The following ZEB1 variants were observed in gnomAD, a reference collection of about 807,000 sequenced individuals.
ZEB1 encodes zinc finger E-box-binding homeobox 1.
ZEB1 carries 21 observed loss-of-function variants against 84.9 expected under a neutral mutation model. The observed-to-expected ratio is 0.25, with a 90% CI of 0.18 to 0.36. The LOEUF is 0.36. ZEB1 is among the 10% of genes least tolerant of loss of function. ZEB1 has a pLI of 1.00. For synonymous variants in ZEB1, 420 were observed against 471.1 expected (o/e 0.89, Z 1.41); for missense variants, 1,104 against 1,330.2 (o/e 0.83, Z 2.65).
At chr10:31,418,116 G>A (rs2055529702) in intron 1 of ZEB1, among the ~76,000 whole-genome samples, 1 of 151,924 alleles carries the variant, frequency 6.6e-6, no homozygotes, top group Non-Finnish European at 1.5e-5. Context: ...AAGTAACAGT[G>A]TGTGTTTGCT....
At chr10:31,378,041 T>C (rs2046975910) in intron 1 of ZEB1, among the ~76,000 whole-genome samples, 2 of 150,304 alleles carry the variant, frequency 1.3e-5, no homozygotes, top group South Asian at 2.1e-4. Context: ...ATGTATATAT[T>C]ATGCATAGAC....
intron 1 of ZEB1, among the ~76,000 whole-genome samples, chr10:31,335,378 C>T (rs367546021): frequency 1.3e-3 from 195 of 152,130 alleles, no homozygotes; most frequent in African/African-American, 4.3e-3. Context: ...GGTCTTGAAA[C>T]GTATGCCCTG....
At chr10:31,361,432 A>G (rs1418303323) in intron 1 of ZEB1, among the ~76,000 whole-genome samples, 1 of 152,216 alleles carries the variant, frequency 6.6e-6, no homozygotes, top group African/African-American at 2.4e-5. Context: ...TTTTTAAATT[A>G]AAAAGTAAAC....
At chr10:31,481,603 C>G (rs971808329) in intron 2 of ZEB1, among the ~76,000 whole-genome samples, 1 of 151,810 alleles carries the variant, frequency 6.6e-6, no homozygotes, top group South Asian at 2.1e-4. Context: ...GCAGGAGGAT[C>G]GCTTGAGACC....
rs574962864 is a variant in ZEB1, at chr10:31,389,338, G to T, written c.58+70046G>T. 2.0e-5 allele frequency among the ~76,000 whole-genome samples: 3 copies of T among 152,212 alleles called. No homozygotes were observed. The East Asian group carries it at 5.8e-4, about 29-fold the overall frequency. ...ATCTGGGAGAAGATTTGATTTTCATGTGTACATATACACATACCTATATTA... is the reference window on the plus strand; with the variant it reads ...ATCTGGGAGAAGATTTGATTTTCATTTGTACATATACACATACCTATATTA... On this transcript the variant is annotated intron_variant, in intron 1 of 8. Transcript: ENST00000424869.
At chr10:31,473,442 G>T (rs2063579577) in intron 2 of ZEB1, among the ~76,000 whole-genome samples, 1 of 152,038 alleles carries the variant, frequency 6.6e-6, no homozygotes, top group African/African-American at 2.4e-5. Context: ...CAAATCATGA[G>T]TGAACTCCCA....
intron 4 of ZEB1, 89 bp downstream of exon 4, chr10:31,502,598 G>A: frequency 6.4e-7 from 1 of 1,565,154 alleles, no homozygotes; most frequent in Non-Finnish European, 8.8e-7. Context: ...TCTACTATAG[G>A]GAACATTCTT....
chr10:31,391,231 TTGTGTGTGTGTGTGTGTGTGTGTGTGTG>T (rs780805467), intron 1 of ZEB1, among the ~76,000 whole-genome samples: 1 of 134,690 alleles, frequency 7.4e-6, no homozygotes, highest in Non-Finnish European at 1.6e-5. Context: ...ACAGGTAAGT[TTGTGTGTGTGTGTGTGTGTGTGTGTGTG>T]TGTGTGTGTG....
chr10:31,340,372 T>C (rs1306254419), intron 1 of ZEB1, among the ~76,000 whole-genome samples: 1 of 152,234 alleles, frequency 6.6e-6, no homozygotes, highest in African/African-American at 2.4e-5. Context: ...GGGTAAACTC[T>C]AGCAATATAG....
chr10:31,388,560 A>C (rs1309029448), intron 1 of ZEB1, among the ~76,000 whole-genome samples: 1 of 152,014 alleles, frequency 6.6e-6, no homozygotes, highest in East Asian at 1.9e-4. Flanking sequence ...TTGAGAACCA[A>C]TTTACTTTTT....
intron 1 of ZEB1, chr10:31,362,743 A>G (rs1392183843): frequency 3.5e-6 from 2 of 573,578 alleles, no homozygotes; most frequent in Non-Finnish European, 6.4e-6. Flanking sequence ...GATGCTCCTC[A>G]GGTCTCAATC....
intron 1 of ZEB1, among the ~76,000 whole-genome samples, chr10:31,369,406 T>C (rs1288252983): frequency 6.6e-6 from 1 of 152,208 alleles, no homozygotes; most frequent in Non-Finnish European, 1.5e-5. Context: ...ATTCTCTACT[T>C]CTATGAATTT....
intron 1 of ZEB1, among the ~76,000 whole-genome samples, chr10:31,365,721 C>T (rs1384398674): frequency 6.6e-6 from 1 of 152,084 alleles, no homozygotes; most frequent in Non-Finnish European, 1.5e-5. Context: ...ATAATGAATT[C>T]CACAAAAATT....
chr10:31,407,601 G>T (rs939646329), intron 1 of ZEB1, among the ~76,000 whole-genome samples: 1 of 151,996 alleles, frequency 6.6e-6, no homozygotes, highest in Non-Finnish European at 1.5e-5. Context: ...AGTCCTTTGG[G>T]TATATACACA....
At chr10:31,485,777 A>G (rs1460248420) in intron 2 of ZEB1, among the ~76,000 whole-genome samples, 1 of 151,532 alleles carries the variant, frequency 6.6e-6, no homozygotes, top group Non-Finnish European at 1.5e-5. Flanking sequence ...GCTTTAATAC[A>G]CACACACACA....
chr10:31,514,638 C>A lies in ZEB1; in HGVS notation c.723C>A (p.Phe241Leu). Residue 241 changes from phenylalanine (F) to leucine (L), a missense_variant, in exon 6 of 9, where the codon TTC (phenylalanine) becomes TTA (leucine). Transcript: ENST00000424869. The stretch of plus-strand genomic sequence containing the variant: ...CGCAGTCTGGGTGTAATCGTAAATT[C>A]AAATGCACTGAGTGTGGAAAAGCTT... ...HVTQSGCNRKFKCTECGKAFK... is the reference protein window; with the variant it reads ...HVTQSGCNRKLKCTECGKAFK... 6.2e-7 allele frequency: 1 copy of A among 1,612,774 alleles called. No homozygotes were observed.
At chr10:31,446,160 G>A (rs930833791) in intron 1 of ZEB1, among the ~76,000 whole-genome samples, 3 of 152,162 alleles carry the variant, frequency 2.0e-5, no homozygotes, top group South Asian at 4.2e-4. Flanking sequence ...TGTATGTGTC[G>A]AGGAATGTAT....
At chr10:31,505,335 G>GT (rs1354006868) in intron 4 of ZEB1, among the ~76,000 whole-genome samples, 1 of 151,996 alleles carries the variant, frequency 6.6e-6, no homozygotes, top group Non-Finnish European at 1.5e-5. Context: ...CTCCTCTTCA[G>GT]TTTTTTGGAA....
intron 1 of ZEB1, among the ~76,000 whole-genome samples, chr10:31,353,526 C>G (rs1299476357): frequency 6.6e-6 from 1 of 152,146 alleles, no homozygotes; most frequent in African/African-American, 2.4e-5. Flanking sequence ...GCAGAAAAAT[C>G]TTACAGCTTT....
Sources: gnomAD v4.1 joint callset for allele counts (sites outside exome capture counted in the v4.1 genomes callset) on GRCh38, gnomAD v4.1.1 for gene constraint, MANE v1.5 for transcripts, NCBI Gene and HGNC (gene_info 2026-07-23, HGNC 2026-07-21) for gene names.